Variants in FGF2 observed in about 807,000 individuals in gnomAD.
FGF2 encodes the protein fibroblast growth factor 2.
A neutral mutation model predicts 15.9 loss-of-function variants in FGF2; 13 were observed. The observed-to-expected ratio is 0.82, with a 90% CI of 0.53 to 1.30. FGF2 has a LOEUF of 1.30. Among genes scored for constraint, FGF2 ranks in the 50% most tolerant of loss-of-function variants. The pLI is 0.00. For missense variants in FGF2, 163 were observed against 196.9 expected (o/e 0.83, Z 1.03); for synonymous variants, 90 against 78.4 (o/e 1.15, Z -0.78).
chr4:122,835,449 G>C (rs1312350080), intron 1 of FGF2, among the ~76,000 whole-genome samples: 1 of 151,042 alleles, frequency 6.6e-6, no homozygotes, highest in African/African-American at 2.4e-5. Flanking sequence ...TCTCTGTCTT[G>C]ATTCCCCATC....
chr4:122,866,526 C>A (rs967251398), intron 1 of FGF2, among the ~76,000 whole-genome samples: 10 of 152,168 alleles, frequency 6.6e-5, no homozygotes, highest in African/African-American at 2.4e-4. Context: ...AATCAAAGAT[C>A]TAAGTAGACA....
chr4:122,851,596 T>C (rs1441332875), intron 1 of FGF2, among the ~76,000 whole-genome samples: 5 of 152,200 alleles, frequency 3.3e-5, no homozygotes, highest in Non-Finnish European at 7.3e-5. Context: ...TTTTAAAGTA[T>C]ATAGATAGAA....
intron 1 of FGF2, among the ~76,000 whole-genome samples, chr4:122,858,524 A>C (rs879756230): frequency 6.6e-6 from 1 of 152,032 alleles, no homozygotes; most frequent in Non-Finnish European, 1.5e-5. Context: ...CAGCCTCCTG[A>C]GTAGCTGGGA....
chr4:122,897,447 T>C lies in FGF2; in HGVS notation c.*5051T>C. The stretch of plus-strand genomic sequence containing the variant: ...TTATTTCTACTAATGGAATAAACTG[T>C]AATATTAGAAATTATGCTGCTAATT... On this transcript the variant is annotated 3_prime_UTR_variant, in exon 3 of 3. Transcript: ENST00000644866. 1 of 625,060 alleles carries C rather than the reference T, an allele frequency of 1.6e-6. No individual in the cohort carries two copies. The allele number at this position is 625,060 out of a possible 1,614,324, so 38.7% of individuals were successfully genotyped here.
chr4:122,834,471 T>C (rs1725824674), intron 1 of FGF2, among the ~76,000 whole-genome samples: 1 of 152,220 alleles, frequency 6.6e-6, no homozygotes, highest in Admixed American at 6.5e-5. Context: ...AAATCATTCT[T>C]ATGAGAGCAC....
At chr4:122,842,847 T>C (rs1366060477) in intron 1 of FGF2, among the ~76,000 whole-genome samples, 1 of 152,216 alleles carries the variant, frequency 6.6e-6, no homozygotes, top group Non-Finnish European at 1.5e-5. Flanking sequence ...GTATTTGCCT[T>C]ATTAAAAAGC....
chr4:122,861,879 C>A (rs757664924), intron 1 of FGF2, among the ~76,000 whole-genome samples: 1 of 152,134 alleles, frequency 6.6e-6, no homozygotes, highest in Non-Finnish European at 1.5e-5. Flanking sequence ...TGTTCCCGTT[C>A]TTTCTTTTCC....
At chr4:122,832,158 A>G (rs757925147) in intron 1 of FGF2, among the ~76,000 whole-genome samples, 3 of 152,138 alleles carry the variant, frequency 2.0e-5, no homozygotes, top group Non-Finnish European at 4.4e-5. Flanking sequence ...TTGGGCCCCT[A>G]TGTCCCGTAG....
intron 1 of FGF2, among the ~76,000 whole-genome samples, chr4:122,828,927 T>C (rs1468609253): frequency 1.3e-5 from 2 of 152,252 alleles, no homozygotes; most frequent in African/African-American, 4.8e-5. Flanking sequence ...GTGCTGTGTG[T>C]CCCAATTGGT....
At chr4:122,864,159 T>C (rs7674648) in intron 1 of FGF2, among the ~76,000 whole-genome samples, 21,246 of 152,260 alleles carry the variant, frequency 0.14, 1,607 homozygotes, top group Middle Eastern at 0.22. Flanking sequence ...TTTGATTTTC[T>C]TTCTGAATCT....
chr4:122,832,852 A>G (rs559280907), intron 1 of FGF2, among the ~76,000 whole-genome samples: 4 of 152,294 alleles, frequency 2.6e-5, no homozygotes, highest in Non-Finnish European at 5.9e-5. Flanking sequence ...TTCTCCCTTT[A>G]ATAATGACCG....
intron 1 of FGF2, among the ~76,000 whole-genome samples, chr4:122,855,096 A>C (rs1445557609): frequency 6.6e-6 from 1 of 152,150 alleles, no homozygotes; most frequent in African/African-American, 2.4e-5. Flanking sequence ...CAGGAACACA[A>C]ACAGCCCGGC....
At chr4:122,837,577 T>TA (rs979848227) in intron 1 of FGF2, among the ~76,000 whole-genome samples, 74 of 152,292 alleles carry the variant, frequency 4.9e-4, no homozygotes, top group African/African-American at 1.7e-3. Flanking sequence ...ATTTTTTTTT[T>TA]ATTCTACCAA....
chr4:122,831,846 G>A (rs140200428), intron 1 of FGF2, among the ~76,000 whole-genome samples: 201 of 152,288 alleles, frequency 1.3e-3, no homozygotes, highest in African/African-American at 4.4e-3. Flanking sequence ...GATTTATGAT[G>A]CCATTTTATG....
At chr4:122,882,420 A>G (rs1231795593) in intron 2 of FGF2, 1 of 152,244 alleles carries the variant, frequency 6.6e-6, no homozygotes, top group Non-Finnish European at 1.5e-5. Context: ...TTCTCTTGGC[A>G]AATAGGTATT....
chr4:122,891,161 C>T (rs922585396), intron 2 of FGF2, among the ~76,000 whole-genome samples: 6 of 151,206 alleles, frequency 4.0e-5, no homozygotes, highest in Non-Finnish European at 7.4e-5. Context: ...CTGCCTCAGC[C>T]TCCCAAGTAG....
chr4:122,844,519 CTT>C (rs1726060200), intron 1 of FGF2, among the ~76,000 whole-genome samples: 2 of 151,994 alleles, frequency 1.3e-5, no homozygotes, highest in Admixed American at 1.3e-4. Flanking sequence ...AGAAGGTTTT[CTT>C]TCTTTCTTTT....
intron 2 of FGF2, among the ~76,000 whole-genome samples, chr4:122,880,230 G>A (rs992750503): frequency 2.6e-5 from 4 of 151,438 alleles, no homozygotes; most frequent in Non-Finnish European, 5.9e-5. Flanking sequence ...CTGAAATCCA[G>A]TGAGGCAGTC....
intron 1 of FGF2, among the ~76,000 whole-genome samples, chr4:122,834,466 A>T (rs1207628181): frequency 6.6e-6 from 1 of 152,106 alleles, no homozygotes; most frequent in Non-Finnish European, 1.5e-5. Context: ...CACTTAAATC[A>T]TTCTTATGAG....
Sources: allele counts gnomAD v4.1 joint callset (sites outside exome capture counted in the v4.1 genomes callset), GRCh38; gene constraint gnomAD v4.1.1; transcripts MANE v1.5; gene names NCBI Gene and HGNC (gene_info 2026-07-23, HGNC 2026-07-21).